The following SPMIP7 variants were observed in gnomAD, a reference collection of about 807,000 sequenced individuals.
The protein encoded by SPMIP7 is protein SPMIP7.
At chr7:50,143,984 C>A in the SPMIP7 span, among the ~76,000 whole-genome samples, 10 of 152,140 alleles carry the variant, frequency 6.6e-5, no homozygotes, top group African/African-American at 1.4e-4. Context: ...TAAATTGTTT[C>A]CATATTCTTT....
the SPMIP7 span, among the ~76,000 whole-genome samples, chr7:50,131,125 G>C: frequency 6.6e-6 from 1 of 152,176 alleles, no homozygotes; most frequent in African/African-American, 2.4e-5. Flanking sequence ...ACACCAGTTA[G>C]GAGGTTATTG....
chr7:50,129,052 A>G, the SPMIP7 span, among the ~76,000 whole-genome samples: 3 of 152,084 alleles, frequency 2.0e-5, no homozygotes, highest in Admixed American at 6.6e-5. Flanking sequence ...AATCATCACT[A>G]GAATTGAACT....
chr7:50,121,828 T>G, the SPMIP7 span, among the ~76,000 whole-genome samples: 8 of 112,168 alleles, frequency 7.1e-5, no homozygotes, highest in African/African-American at 1.8e-4. Context: ...TAATTTTTGT[T>G]TTTTTTCTTG....
chr7:50,151,065 G>C, the SPMIP7 span, among the ~76,000 whole-genome samples: 1 of 152,204 alleles, frequency 6.6e-6, no homozygotes, highest in Non-Finnish European at 1.5e-5. Flanking sequence ...ATTAATATTA[G>C]AGTCTGCATT....
At chr7:50,143,451 C>G in the SPMIP7 span, among the ~76,000 whole-genome samples, 1 of 152,132 alleles carries the variant, frequency 6.6e-6, no homozygotes, top group South Asian at 2.1e-4. Flanking sequence ...AAGGTGTCAG[C>G]CACCACACCC....
chr7:50,124,818 G>A, the SPMIP7 span, among the ~76,000 whole-genome samples: 24 of 152,096 alleles, frequency 1.6e-4, no homozygotes, highest in Middle Eastern at 3.4e-3. Context: ...GAAACTAGAG[G>A]CTGGGTGTGG....
At chr7:50,103,963 T>A in the SPMIP7 span, among the ~76,000 whole-genome samples, 4 of 152,220 alleles carry the variant, frequency 2.6e-5, no homozygotes, top group African/African-American at 9.6e-5. Flanking sequence ...TTTTTAGGAC[T>A]TCTAATCTAT....
At chr7:50,144,268 T>G in the SPMIP7 span, among the ~76,000 whole-genome samples, 1 of 152,220 alleles carries the variant, frequency 6.6e-6, no homozygotes, top group African/African-American at 2.4e-5. Context: ...GTGTAGAAAG[T>G]AAAATATCTC....
chr7:50,145,618 G>GTATATATATATATATATA, the SPMIP7 span, among the ~76,000 whole-genome samples: 1 of 27,692 alleles, frequency 3.6e-5, no homozygotes, highest in African/African-American at 1.5e-4. Context: ...ATATGTGTGT[G>GTATATATATATATATATA]TATATATATA....
chr7:50,109,780 C>A, the SPMIP7 span, among the ~76,000 whole-genome samples: 18 of 152,158 alleles, frequency 1.2e-4, no homozygotes, highest in Admixed American at 1.0e-3. Flanking sequence ...ATAATTTCTG[C>A]ATATGTAGAA....
chr7:50,096,341 C>A, the SPMIP7 span: 1 of 1,552,144 alleles, frequency 6.4e-7, no homozygotes, highest in Non-Finnish European at 8.7e-7. Flanking sequence ...TCCTTATCCC[C>A]CACCATATGG....
the SPMIP7 span, among the ~76,000 whole-genome samples, chr7:50,123,427 GA>G: frequency 9.2e-6 from 1 of 108,914 alleles, no homozygotes; most frequent in Non-Finnish European, 1.8e-5. Flanking sequence ...TGGGGTGGGG[GA>G]AGGGGGGAGG....
chr7:50,141,921 G>A, the SPMIP7 span: 1 of 152,456 alleles, frequency 6.6e-6, no homozygotes, highest in Admixed American at 6.5e-5. Context: ...GTAGAGAGGG[G>A]GTTTCACTGT....
At chr7:50,126,389 T>C in the SPMIP7 span, among the ~76,000 whole-genome samples, 1 of 150,424 alleles carries the variant, frequency 6.6e-6, no homozygotes, top group South Asian at 2.1e-4. Context: ...GTTTTTTTTT[T>C]AATCAGAAGA....
At chr7:50,127,031 C>T in the SPMIP7 span, among the ~76,000 whole-genome samples, 3 of 151,956 alleles carry the variant, frequency 2.0e-5, no homozygotes, top group African/African-American at 4.8e-5. Context: ...AGTAATCAAA[C>T]CAGCATGGTA....
At chr7:50,129,066 A>T in the SPMIP7 span, among the ~76,000 whole-genome samples, 1 of 152,174 alleles carries the variant, frequency 6.6e-6, no homozygotes, top group East Asian at 1.9e-4. Flanking sequence ...TTGAACTAGA[A>T]CTCTGAACCC....
At chr7:50,114,293 T>A in the SPMIP7 span, among the ~76,000 whole-genome samples, 2 of 152,154 alleles carry the variant, frequency 1.3e-5, no homozygotes, top group African/African-American at 4.8e-5. Flanking sequence ...TATCACTGTT[T>A]AAAGCAACAA....
chr7:50,120,751 T>C, the SPMIP7 span, among the ~76,000 whole-genome samples: 1 of 152,206 alleles, frequency 6.6e-6, no homozygotes. Flanking sequence ...CATTTAATCA[T>C]GTACAGATTA....
the SPMIP7 span, among the ~76,000 whole-genome samples, chr7:50,109,575 A>T: frequency 1.3e-5 from 2 of 152,016 alleles, no homozygotes; most frequent in Admixed American, 1.3e-4. Flanking sequence ...AGGTTTCACC[A>T]TGTTGGCCTG....
Sources: allele counts gnomAD v4.1 joint callset (sites outside exome capture counted in the v4.1 genomes callset), GRCh38; gene constraint gnomAD v4.1.1; transcripts MANE v1.5; gene names NCBI Gene and HGNC (gene_info 2026-07-23, HGNC 2026-07-21).